The following LAMB1 variants were observed in gnomAD, a reference collection of about 807,000 sequenced individuals.
LAMB1 encodes the protein laminin subunit beta 1.
LAMB1 carries 121 observed loss-of-function variants against 222.3 expected under a neutral mutation model. That is an observed-to-expected ratio of 0.54 (90% CI 0.47 to 0.63). The LOEUF is 0.63. LAMB1 is among the 30% of genes least tolerant of loss of function. The pLI, the probability that LAMB1 is intolerant of heterozygous loss-of-function variation, is 0.00. For synonymous variants in LAMB1, 794 were observed against 807.2 expected (o/e 0.98, Z 0.28); for missense variants, 2,172 against 2,240.8 (o/e 0.97, Z 0.62).
At chr7:107,951,987 A>C (rs759823880) in intron 23 of LAMB1, 22 bp downstream of exon 23, 1 of 1,590,850 alleles carries the variant, frequency 6.3e-7, no homozygotes, top group African/African-American at 1.3e-5. Flanking sequence ...TAAAGGCATC[A>C]TCCCCAGCAG....
At chr7:107,961,391 A>G in intron 16 of LAMB1, 62 bp from the exon 17 acceptor site, 1 of 1,596,314 alleles carries the variant, frequency 6.3e-7, no homozygotes, top group Non-Finnish European at 8.5e-7. Flanking sequence ...CCAAAAAATA[A>G]AAATTAAAAA....
At position 107,972,958 on chromosome 7, in the gene LAMB1, C is replaced by CT. The variant is rs765128329; in HGVS notation, c.1562+33dup. The CT allele has an allele frequency of 1.6e-5, 24 of 1,526,116 alleles. No homozygotes were observed. The African/African-American group carries it at 3.1e-4, about 20-fold the overall frequency. The allele number at this position is 1,526,116 out of a possible 1,614,324, so 94.5% of individuals were successfully genotyped here. ...TGTAAGTCATGACTTTCCTGGAAGA[C>CT]TGAGGACAAGAGCATACGTAGAGCT... On this transcript the variant is annotated intron_variant, in intron 13 of 33. Transcript: ENST00000222399.
intron 25 of LAMB1, among the ~76,000 whole-genome samples, chr7:107,939,732 CA>C (rs2032935243): frequency 6.6e-6 from 1 of 152,128 alleles, no homozygotes; most frequent in African/African-American, 2.4e-5. Flanking sequence ...ACATGATTTG[CA>C]AGGAGGAGCA....
chr7:107,940,801 T>G (rs1302565262), intron 24 of LAMB1, among the ~76,000 whole-genome samples: 1 of 152,138 alleles, frequency 6.6e-6, no homozygotes, highest in Non-Finnish European at 1.5e-5. Context: ...TGCCTCCCCC[T>G]TACTTAGGAT....
At chr7:107,992,738 T>C (rs1231107887) in intron 5 of LAMB1, among the ~76,000 whole-genome samples, 2 of 151,974 alleles carry the variant, frequency 1.3e-5, no homozygotes, top group Admixed American at 1.3e-4. Flanking sequence ...CTACCAAAAA[T>C]ACAAAAATTA....
At chr7:107,964,764 C>T in intron 13 of LAMB1, 77 bp from the exon 14 acceptor site, 2 of 1,537,362 alleles carry the variant, frequency 1.3e-6, no homozygotes, top group Non-Finnish European at 1.8e-6. Context: ...TCTACAGCTG[C>T]CATTACTCAG....
chr7:107,924,218 GAA>G lies in LAMB1; in HGVS notation c.5224+10_5224+11del. ...AGTAATTTAAAAAATAAGCCTGTGT[GAA>G]AAGACCCACCTTTGAGCAGTTGCAG... On this transcript the variant is annotated intron_variant, in intron 33 of 33. Coordinates refer to ENST00000222399, the MANE Select transcript of LAMB1 (RefSeq NM_002291.3). The G allele has an allele frequency of 6.3e-7, 1 of 1,584,828 alleles. No homozygotes were observed. The highest frequency in any genetic ancestry group is 1.4e-5 in the African/African-American group (1 of 72,778).
chr7:107,966,884 G>A (rs1584514645), intron 13 of LAMB1, among the ~76,000 whole-genome samples: 4 of 152,162 alleles, frequency 2.6e-5, no homozygotes, highest in East Asian at 1.9e-4. Context: ...CCTTAACAGC[G>A]GCCCTGCCAA....
chr7:107,957,117 C>T (rs113953871), intron 20 of LAMB1, among the ~76,000 whole-genome samples: 29 of 152,238 alleles, frequency 1.9e-4, no homozygotes, highest in African/African-American at 6.5e-4. Flanking sequence ...CGGCCAGGTG[C>T]GGTGGCTCAC....
intron 9 of LAMB1, among the ~76,000 whole-genome samples, chr7:107,976,602 C>G (rs2033861557): frequency 6.6e-6 from 1 of 152,146 alleles, no homozygotes; most frequent in African/African-American, 2.4e-5. Context: ...TTGCCTGTCT[C>G]CCCCTGCAAC....
chr7:107,952,835 G>A (rs73420789), intron 22 of LAMB1, among the ~76,000 whole-genome samples: 5,877 of 152,248 alleles, frequency 0.039, 389 homozygotes, highest in African/African-American at 0.13. Flanking sequence ...TAAGCTGGAA[G>A]GCTCTATTCC....
chr7:107,949,514 A>G (rs1190283076), intron 24 of LAMB1, among the ~76,000 whole-genome samples: 1 of 152,254 alleles, frequency 6.6e-6, no homozygotes, highest in African/African-American at 2.4e-5. Context: ...ACAGATTTTA[A>G]GCAGAGTTTT....
chr7:107,991,168 T>A (rs2034174084), intron 5 of LAMB1, among the ~76,000 whole-genome samples: 1 of 152,216 alleles, frequency 6.6e-6, no homozygotes, highest in African/African-American at 2.4e-5. Flanking sequence ...CAGCAGTTAT[T>A]AACTGCAAGA....
At chr7:108,002,028 G>C in intron 2 of LAMB1, 1 of 1,445,662 alleles carries the variant, frequency 6.9e-7, no homozygotes, top group South Asian at 1.5e-5. Flanking sequence ...GATCAGCCCC[G>C]GGGAGCAGCT....
intron 25 of LAMB1, among the ~76,000 whole-genome samples, 154 bp from the exon 26 acceptor site, chr7:107,937,431 T>TA (rs770522840): frequency 3.3e-5 from 5 of 152,234 alleles, no homozygotes; most frequent in Non-Finnish European, 7.3e-5. Flanking sequence ...TTATTTTCCT[T>TA]ATAACAGATA....
intron 24 of LAMB1, among the ~76,000 whole-genome samples, chr7:107,949,328 G>A (rs2033192172): frequency 6.6e-6 from 1 of 152,234 alleles, no homozygotes; most frequent in Non-Finnish European, 1.5e-5. Context: ...TGCTAACAAA[G>A]CTAAGATGGA....
chr7:107,925,960 C>T (rs1011158835), intron 32 of LAMB1, among the ~76,000 whole-genome samples: 1 of 149,894 alleles, frequency 6.7e-6, no homozygotes, highest in Non-Finnish European at 1.5e-5. Flanking sequence ...TTCTTCTAAA[C>T]TCTTGTCCAA....
At chr7:107,988,772 A>T (rs990083313) in intron 5 of LAMB1, among the ~76,000 whole-genome samples, 2 of 152,198 alleles carry the variant, frequency 1.3e-5, no homozygotes, top group African/African-American at 4.8e-5. Flanking sequence ...GCACAGAGGG[A>T]AGACCATGTG....
chr7:107,993,749 GT>G (rs2034229798), intron 5 of LAMB1, among the ~76,000 whole-genome samples: 1 of 152,212 alleles, frequency 6.6e-6, no homozygotes, highest in African/African-American at 2.4e-5. Flanking sequence ...AGATTGTGTG[GT>G]CAATGAAGGG....
Sources: gnomAD v4.1 joint callset for allele counts (sites outside exome capture counted in the v4.1 genomes callset) on GRCh38, gnomAD v4.1.1 for gene constraint, MANE v1.5 for transcripts, NCBI Gene and HGNC (gene_info 2026-07-23, HGNC 2026-07-21) for gene names.